Variants in SHBG observed in about 807,000 individuals in gnomAD.
SHBG encodes the protein sex hormone-binding globulin.
A neutral mutation model predicts 41.9 loss-of-function variants in SHBG; 37 were observed. The ratio of observed to expected loss-of-function variants is 0.88; its 90% CI spans 0.68 to 1.16. The LOEUF is 1.16. Ranked by LOEUF, SHBG falls within the 50% of genes most tolerant of loss-of-function variation. SHBG has a pLI of 0.00. For synonymous variants in SHBG, 217 were observed against 205.8 expected (o/e 1.05, Z -0.47); for missense variants, 466 against 499.9 (o/e 0.93, Z 0.65).
At chr17:7,628,006 A>G (rs1340261508), upstream of SHBG, 1 of 485,356 alleles carries the variant, frequency 2.1e-6, no homozygotes, top group East Asian at 6.2e-5. Flanking sequence ...GGTTGGAGTG[A>G]AGCGGCTTCC....
chr17:7,615,643 ACC>A (rs747564330), intron 1 of SHBG, among the ~76,000 whole-genome samples: 1 of 42,536 alleles, frequency 2.4e-5, no homozygotes, highest in Admixed American at 2.7e-4. Flanking sequence ...AAATGGTGAA[ACC>A]CACCCCCCCC....
chr17:7,623,079 A>C (rs2072128669), upstream of SHBG, among the ~76,000 whole-genome samples: 1 of 150,094 alleles, frequency 6.7e-6, no homozygotes, highest in Non-Finnish European at 1.5e-5. Flanking sequence ...AAGACAAAAC[A>C]AGATGGGGGC....
chr17:7,621,632 C>T (rs2072099620), intron 1 of SHBG, among the ~76,000 whole-genome samples: 1 of 138,552 alleles, frequency 7.2e-6, no homozygotes, highest in South Asian at 2.3e-4. Context: ...AAACCAGCTG[C>T]ATAAACTGGT....
intron 1 of SHBG, chr17:7,614,559 C>G (rs759684574): frequency 1.4e-6 from 2 of 1,414,080 alleles, no homozygotes; most frequent in Non-Finnish European, 1.9e-6. Flanking sequence ...CCGACTCCCC[C>G]GGCGGCGGCT....
chr17:7,615,448 A>C (rs2150952602), intron 1 of SHBG, among the ~76,000 whole-genome samples: 2 of 152,328 alleles, frequency 1.3e-5, no homozygotes, highest in Middle Eastern at 6.8e-3. Context: ...AAGAATCTGT[A>C]ACTCTCTACT....
chr17:7,632,697 G>T lies in SHBG; in HGVS notation c.853-55G>T, dbSNP rs1290354322. 7.8e-6 allele frequency: 11 copies of T among 1,407,564 alleles called. No homozygotes were observed. In the Admixed American group the frequency reaches 1.8e-4, roughly 24 times the overall value. The allele number at this position is 1,407,564 out of a possible 1,614,324, so 87.2% of individuals were successfully genotyped here. A position where few individuals can be genotyped will look rare whatever the true frequency, so the allele number is the denominator to read the frequency against. ...GCTAGGGGTGAGGCCACAGGCAGTAGGCCCGGCTCATTCTTCCCTCTCTCT... is the reference window on the plus strand; with the variant it reads ...GCTAGGGGTGAGGCCACAGGCAGTATGCCCGGCTCATTCTTCCCTCTCTCT... On this transcript the variant is annotated intron_variant, in intron 6 of 7. Coordinates refer to ENST00000380450, the MANE Select transcript of SHBG (RefSeq NM_001040.5).
At chr17:7,627,146 G>A, upstream of SHBG, 1 of 1,614,104 alleles carries the variant, frequency 6.2e-7, no homozygotes. The surrounding 1 kb of genome is among the most constrained non-coding windows in gnomAD (Gnocchi z 4.8). Context: ...CTCTTACCCA[G>A]TAGCTTCCCG....
intron 1 of SHBG, among the ~76,000 whole-genome samples, chr17:7,622,524 T>C (rs1597900001): frequency 6.7e-6 from 1 of 149,564 alleles, no homozygotes; most frequent in African/African-American, 2.5e-5. Flanking sequence ...CTGCCCACCT[T>C]GGCCTCCCAA....
chr17:7,627,036 C>T (rs760054429), upstream of SHBG: 18 of 1,613,726 alleles, frequency 1.1e-5, no homozygotes, highest in South Asian at 1.4e-4. The surrounding 1 kb of genome is among the most constrained non-coding windows in gnomAD (Gnocchi z 4.8). Context: ...TAGCCCACCA[C>T]GCAGGGCCCT....
chr17:7,614,315 G>A (rs2071916112), intron 1 of SHBG: 3 of 702,396 alleles, frequency 4.3e-6, no homozygotes, highest in Admixed American at 2.5e-5. Context: ...CCCAGGGAAG[G>A]CTGCGGGTTG....
intron 6 of SHBG, among the ~76,000 whole-genome samples, chr17:7,632,288 A>AG (rs2072443854): frequency 6.6e-6 from 1 of 151,730 alleles, no homozygotes; most frequent in Non-Finnish European, 1.5e-5. Flanking sequence ...CTAAAAAAAA[A>AG]AAAAAATTAG....
At chr17:7,621,939 C>T (rs927081183) in intron 1 of SHBG, among the ~76,000 whole-genome samples, 2 of 150,882 alleles carry the variant, frequency 1.3e-5, no homozygotes, top group Non-Finnish European at 3.0e-5. Flanking sequence ...TGGGTTCAAG[C>T]GATTCTCCTG....
upstream of SHBG, among the ~76,000 whole-genome samples, chr17:7,623,569 C>G (rs858522): frequency 8.6e-5 from 13 of 151,996 alleles, no homozygotes; most frequent in Admixed American, 8.5e-4. Flanking sequence ...AGCCGTCCTC[C>G]CATCTCAGCC....
chr17:7,623,619 G>A (rs1005837167), upstream of SHBG, among the ~76,000 whole-genome samples: 9 of 152,050 alleles, frequency 5.9e-5, no homozygotes, highest in Admixed American at 2.0e-4. Context: ...CACCAAGCTC[G>A]GCTAATGTTT....
intron 7 of SHBG, 94 bp from the exon 8 acceptor site, chr17:7,633,109 CA>C: frequency 6.6e-7 from 1 of 1,512,802 alleles, no homozygotes; most frequent in Non-Finnish European, 9.2e-7. Flanking sequence ...AGTGCTTTTG[CA>C]AACTCAGGTT....
At chr17:7,627,596 A>G, upstream of SHBG, 1 of 1,612,250 alleles carries the variant, frequency 6.2e-7, no homozygotes, top group Non-Finnish European at 8.5e-7. This position sits in a 1 kb window ranked among gnomAD's most constrained non-coding sequence, Gnocchi z 4.8. Flanking sequence ...ATATCTCCAC[A>G]GTCTCCCTCC....
At chr17:7,632,173 A>T in intron 6 of SHBG, 158 bp downstream of exon 6, 3 of 810,566 alleles carry the variant, frequency 3.7e-6, no homozygotes, top group Non-Finnish European at 6.1e-6. Flanking sequence ...TTAGCCAGGC[A>T]TGGTGGTGCT....
chr17:7,622,719 G>A (rs905243763), intron 1 of SHBG, among the ~76,000 whole-genome samples: 1 of 151,926 alleles, frequency 6.6e-6, no homozygotes, highest in African/African-American at 2.4e-5. Context: ...ACCAAGGTGA[G>A]GGTAATAACA....
rs753342961 is a variant in SHBG at position 7,631,860 on chromosome 17, TA to T, written c.716-17del. On this transcript the variant is annotated intron_variant, in intron 5 of 7. Coordinates refer to ENST00000380450, the MANE Select transcript of SHBG (RefSeq NM_001040.5). ...AGACCCCAGCTTTGAGGCCTCAGGA[TA>T]ATCATTTCTCCCCACAGACATTCCC... 2 of 1,613,990 alleles carry T rather than the reference TA, an allele frequency of 1.2e-6. No individual in the cohort carries two copies. The highest frequency in any genetic ancestry group is 1.7e-6 in the Non-Finnish European group (2 of 1,180,006).
Sources: allele counts gnomAD v4.1 joint callset (sites outside exome capture counted in the v4.1 genomes callset), GRCh38; gene constraint gnomAD v4.1.1; non-coding constraint Gnocchi (gnomAD v3.1); transcripts MANE v1.5; gene names NCBI Gene and HGNC (gene_info 2026-07-23, HGNC 2026-07-21).